The following SHANK2 variants were observed in gnomAD, a reference collection of about 807,000 sequenced individuals.
SHANK2 encodes the protein SH3 and multiple ankyrin repeat domains 2.
Under a neutral mutation model 133.7 loss-of-function variants are expected in SHANK2, and 43 were observed. That is an observed-to-expected ratio of 0.32 (90% CI 0.25 to 0.41). SHANK2 has a LOEUF of 0.41. Ranked by LOEUF, SHANK2 falls within the 10% of genes least tolerant of loss-of-function variation. SHANK2 has a pLI of 1.00. For synonymous variants in SHANK2, 1,017 were observed against 952.8 expected (o/e 1.07, Z -1.24); for missense variants, 1,994 against 2,235.8 (o/e 0.89, Z 2.18).
intron 3 of SHANK2, among the ~76,000 whole-genome samples, chr11:71,131,466 A>G (rs1389340723): frequency 6.6e-6 from 1 of 152,206 alleles, no homozygotes; most frequent in African/African-American, 2.4e-5. Context: ...TTTTTCGCAC[A>G]GTGAAAGCTT....
At chr11:70,892,225 C>T (rs1157648456) in intron 11 of SHANK2, among the ~76,000 whole-genome samples, 18 of 152,342 alleles carry the variant, frequency 1.2e-4, no homozygotes, top group Admixed American at 1.1e-3. Context: ...CATCATCTTC[C>T]TCCAGCCCTA....
chr11:70,905,510 G>A (rs1263856316), intron 10 of SHANK2, among the ~76,000 whole-genome samples: 12 of 152,306 alleles, frequency 7.9e-5, no homozygotes, highest in South Asian at 2.1e-4. Context: ...GGCCCCCTCC[G>A]AATTCATGTG....
In SHANK2 at chr11:70,716,303, T is replaced by C. The variant is rs372833800; in HGVS notation, c.1778-17540A>G. The stretch of plus-strand genomic sequence containing the variant: ...CAAGAGAGGGCCCAGGAGGGGGCCA[T>C]GTCCAAGGGCACGCAGCAGAGCCTG... On this transcript the variant is annotated intron_variant, in intron 14 of 25. Coordinates refer to ENST00000601538, the MANE Select transcript of SHANK2 (RefSeq NM_012309.5). Among the ~76,000 whole-genome samples, 351 of 152,142 alleles carry C rather than the reference T, an allele frequency of 2.3e-3. 7 individuals carry two copies. Among genetic ancestry groups the C allele is most frequent in the African/African-American group, 8.0e-3 (333 of 41,502 alleles).
At chr11:71,073,184 A>T (rs1240649190) in intron 9 of SHANK2, among the ~76,000 whole-genome samples, 14 of 37,166 alleles carry the variant, frequency 3.8e-4, no homozygotes, top group Non-Finnish European at 2.1e-4. Flanking sequence ...TTTGAGATAG[A>T]GTCTTGCTCT....
chr11:71,099,018 G>A (rs569438252), intron 6 of SHANK2, among the ~76,000 whole-genome samples: 1 of 152,232 alleles, frequency 6.6e-6, no homozygotes, highest in African/African-American at 2.4e-5. Flanking sequence ...TCGGCACCAG[G>A]TGATGAGAAA....
intron 17 of SHANK2, among the ~76,000 whole-genome samples, chr11:70,568,400 C>G (rs570597474): frequency 6.6e-6 from 1 of 152,302 alleles, no homozygotes; most frequent in South Asian, 2.1e-4. Flanking sequence ...AAGCTCCTTG[C>G]AGAGAACTTC....
At chr11:71,217,834 T>C (rs1954444515) in intron 2 of SHANK2, among the ~76,000 whole-genome samples, 2 of 152,224 alleles carry the variant, frequency 1.3e-5, no homozygotes, top group African/African-American at 2.4e-5. Flanking sequence ...TAAGTATTAC[T>C]GCAAAAGAGT....
intron 14 of SHANK2, among the ~76,000 whole-genome samples, chr11:70,767,990 GA>G (rs1364119793): frequency 6.6e-6 from 1 of 152,072 alleles, no homozygotes; most frequent in Non-Finnish European, 1.5e-5. Context: ...GATCCGTGCA[GA>G]AAGGCGGGGC....
chr11:70,652,920 G>T (rs1555010512), intron 17 of SHANK2, among the ~76,000 whole-genome samples: 1 of 152,168 alleles, frequency 6.6e-6, no homozygotes, highest in African/African-American at 2.4e-5. Flanking sequence ...CACGAATACT[G>T]GGACCCAGCA....
intron 14 of SHANK2, among the ~76,000 whole-genome samples, chr11:70,713,544 C>A (rs1349939227): frequency 6.6e-6 from 1 of 152,196 alleles, no homozygotes; most frequent in Non-Finnish European, 1.5e-5. Flanking sequence ...CTGAGGGTGT[C>A]CAGCAAGGCA....
intron 2 of SHANK2, among the ~76,000 whole-genome samples, chr11:71,181,827 C>G (rs544507602): frequency 5.1e-4 from 77 of 152,176 alleles, no homozygotes; most frequent in African/African-American, 1.6e-3. Context: ...CCCAGCCCCC[C>G]CTCCCCCGCC....
intron 2 of SHANK2, among the ~76,000 whole-genome samples, chr11:71,224,445 G>A (rs1954607884): frequency 6.6e-6 from 1 of 152,240 alleles, no homozygotes; most frequent in African/African-American, 2.4e-5. Flanking sequence ...ACACTGGTGA[G>A]GACAGCTCAG....
chr11:71,084,448 G>A (rs1951350067), intron 8 of SHANK2, among the ~76,000 whole-genome samples: 1 of 152,180 alleles, frequency 6.6e-6, no homozygotes, highest in Non-Finnish European at 1.5e-5. Context: ...GCGGCCTGGG[G>A]AACCCTGGAG....
intron 14 of SHANK2, among the ~76,000 whole-genome samples, chr11:70,764,487 A>C (rs1947074595): frequency 7.9e-6 from 1 of 126,798 alleles, no homozygotes; most frequent in African/African-American, 3.1e-5. Context: ...TCGATCCTTT[A>C]TCCCTCCCTC....
intron 17 of SHANK2, among the ~76,000 whole-genome samples, chr11:70,639,088 G>A (rs1489906888): frequency 6.6e-6 from 1 of 152,210 alleles, no homozygotes; most frequent in Non-Finnish European, 1.5e-5. Context: ...GCCTGGGCTG[G>A]TGCTGGGAAG....
intron 14 of SHANK2, among the ~76,000 whole-genome samples, chr11:70,777,616 G>A (rs1353147292): frequency 6.6e-6 from 1 of 152,172 alleles, no homozygotes; most frequent in Non-Finnish European, 1.5e-5. Flanking sequence ...ATACTGATGT[G>A]AGTCAACTGT....
chr11:71,162,379 A>G (rs1238518007), intron 2 of SHANK2, among the ~76,000 whole-genome samples: 1 of 151,902 alleles, frequency 6.6e-6, no homozygotes, highest in African/African-American at 2.4e-5. Context: ...TGGGGACCCC[A>G]TGCTGACGAC....
intron 11 of SHANK2, among the ~76,000 whole-genome samples, chr11:70,872,707 C>T (rs1255998156): frequency 9.9e-5 from 15 of 152,110 alleles, no homozygotes; most frequent in Admixed American, 2.6e-4. Flanking sequence ...ATCTCCTCCA[C>T]GTTCTGGCCA....
At position 70,471,721 on chromosome 11, in the gene SHANK2, A is replaced by G. The variant is rs1162434178; in HGVS notation, c.*1148T>C. On this transcript the variant is annotated 3_prime_UTR_variant, in exon 26 of 26. Coordinates refer to ENST00000601538, the MANE Select transcript of SHANK2 (RefSeq NM_012309.5). This position sits in a 1 kb window ranked among gnomAD's most constrained non-coding sequence, Gnocchi z 4.1. ...GATAGGGGAAAAGCCTCTAAGTACC[A>G]TCTTCCCTGGCCTCCGAGAGCAAAA... is the stretch of plus-strand genomic sequence containing the variant. 1 of 256,300 alleles carries G rather than the reference A, an allele frequency of 3.9e-6. No homozygotes were observed. The highest frequency in any genetic ancestry group is 7.3e-6 in the Non-Finnish European group (1 of 136,172). 15.9% of individuals were successfully genotyped at this position (256,300 alleles called of 1,614,324 possible).
Sources: allele counts gnomAD v4.1 joint callset (sites outside exome capture counted in the v4.1 genomes callset), GRCh38; gene constraint gnomAD v4.1.1; non-coding constraint Gnocchi (gnomAD v3.1); transcripts MANE v1.5; gene names NCBI Gene and HGNC (gene_info 2026-07-23, HGNC 2026-07-21).